DPP6: variants seen among roughly 807,000 people sequenced by gnomAD.
DPP6 encodes the protein A-type potassium channel modulatory protein DPP6.
In DPP6, 69 loss-of-function variants were observed where a neutral mutation model predicts 122.6. The observed-to-expected ratio is 0.56, with a 90% CI of 0.46 to 0.69. The LOEUF is 0.69. DPP6 is among the 30% of genes least tolerant of loss of function. The pLI, the probability that DPP6 is intolerant of heterozygous loss-of-function variation, is 0.00. For synonymous variants in DPP6, 418 were observed against 433.1 expected, an observed-to-expected ratio of 0.97 and a Z score of 0.43; for missense variants, 928 against 1,116.9, an observed-to-expected ratio of 0.83 and a Z score of 2.41.
At chr7:154,597,440 A>T (rs1448229275) in intron 5 of DPP6, among the ~76,000 whole-genome samples, 1 of 151,862 alleles carries the variant, frequency 6.6e-6, no homozygotes, top group Non-Finnish European at 1.5e-5. Flanking sequence ...CGTCTCTACT[A>T]AAAAAAGAAA....
intron 7 of DPP6, among the ~76,000 whole-genome samples, chr7:154,686,589 G>GC (rs1205015001): frequency 1.3e-5 from 2 of 152,112 alleles, no homozygotes; most frequent in Non-Finnish European, 2.9e-5. Context: ...AGCTGTCAGA[G>GC]CCCCAGGGCA....
In DPP6 at chr7:154,889,321, T is replaced by C. The variant is rs1806414466; in HGVS notation, c.2354T>C (p.Leu785Pro). 6.2e-7 allele frequency: 1 copy of C among 1,612,916 alleles called. No individual in the cohort carries two copies. ...RVSALEEQQF[L>P]IIHPTADEKI... ...TCCGCGCTGGAAGAACAGCAGTTCC[T>C]GATCATTCATCCCACTGCCGATGGT... Residue 785 changes from leucine (L) to proline (P), a missense_variant, in exon 24 of 26, where the codon CTG (leucine) becomes CCG (proline). Coordinates refer to ENST00000377770, the MANE Select transcript of DPP6 (RefSeq NM_130797.4).
the DPP6 span, among the ~76,000 whole-genome samples, chr7:153,830,487 CA>C: frequency 6.6e-6 from 1 of 152,202 alleles, no homozygotes; most frequent in African/African-American, 2.4e-5. Context: ...CAAGCTTTCT[CA>C]ACTTTCCAAG....
chr7:154,712,688 T>C (rs1322474899), intron 7 of DPP6, among the ~76,000 whole-genome samples: 43 of 152,208 alleles, frequency 2.8e-4, no homozygotes, highest in Admixed American at 2.8e-3. Flanking sequence ...ACCAGCTCAC[T>C]ATCAGCATAA....
At chr7:154,208,460 A>G (rs528519263) in intron 1 of DPP6, among the ~76,000 whole-genome samples, 1 of 152,336 alleles carries the variant, frequency 6.6e-6, no homozygotes, top group African/African-American at 2.4e-5. Context: ...GACTCATCCC[A>G]TCTGCAGCGT....
intron 1 of DPP6, among the ~76,000 whole-genome samples, chr7:154,018,811 A>C (rs939685453): frequency 3.3e-5 from 5 of 152,090 alleles, no homozygotes; most frequent in Admixed American, 2.6e-4. Context: ...AGAAGAAGAG[A>C]CCCAGGGCCT....
intron 8 of DPP6, among the ~76,000 whole-genome samples, chr7:154,747,662 A>T (rs1428181691): frequency 6.6e-6 from 1 of 152,164 alleles, no homozygotes; most frequent in Non-Finnish European, 1.5e-5. Flanking sequence ...TAGAAAAAAA[A>T]AATAGAACAC....
intron 3 of DPP6, among the ~76,000 whole-genome samples, chr7:154,488,281 G>A (rs1823968955): frequency 6.6e-6 from 1 of 152,032 alleles, no homozygotes; most frequent in Non-Finnish European, 1.5e-5. Flanking sequence ...GAGGTCAGGA[G>A]ATCGAGACCA....
intron 8 of DPP6, among the ~76,000 whole-genome samples, chr7:154,736,478 C>A (rs1400851355): frequency 6.6e-6 from 1 of 151,998 alleles, no homozygotes; most frequent in Non-Finnish European, 1.5e-5. Flanking sequence ...TCTTTTTTAC[C>A]AGCTATTAAA....
chr7:154,795,164 C>T (rs1335064645), intron 11 of DPP6, among the ~76,000 whole-genome samples: 4 of 152,170 alleles, frequency 2.6e-5, no homozygotes, highest in East Asian at 3.9e-4. Context: ...CTTCTCCATG[C>T]CCCTGAGCCT....
intron 1 of DPP6, among the ~76,000 whole-genome samples, chr7:154,435,569 C>T (rs1267825702): frequency 2.0e-5 from 3 of 152,338 alleles, no homozygotes; most frequent in East Asian, 3.9e-4. Context: ...GCCAGTGAAA[C>T]AGAGACGGGG....
At chr7:154,763,429 G>C (rs1795698565) in intron 8 of DPP6, among the ~76,000 whole-genome samples, 1 of 152,012 alleles carries the variant, frequency 6.6e-6, no homozygotes, top group Admixed American at 6.6e-5. Flanking sequence ...AAGAAAAATG[G>C]CTTGCTGCCG....
intron 1 of DPP6, among the ~76,000 whole-genome samples, chr7:154,335,878 A>G (rs1563500843): frequency 6.6e-6 from 1 of 152,040 alleles, no homozygotes; most frequent in Non-Finnish European, 1.5e-5. Flanking sequence ...TTTTGTCTCA[A>G]GCGGCTAGGG....
At chr7:154,782,398 G>A (rs923623293) in intron 10 of DPP6, among the ~76,000 whole-genome samples, 3 of 152,042 alleles carry the variant, frequency 2.0e-5, no homozygotes, top group South Asian at 2.1e-4. Flanking sequence ...AGATTATTGC[G>A]TCTTTTAGCA....
chr7:154,225,574 G>GA (rs141332302), intron 1 of DPP6, among the ~76,000 whole-genome samples: 8,544 of 151,238 alleles, frequency 0.056, 799 homozygotes, highest in African/African-American at 0.2. Flanking sequence ...AAAAAAATGA[G>GA]AAAAAAAAAT....
intron 1 of DPP6, among the ~76,000 whole-genome samples, chr7:154,054,490 G>A (rs548108371): frequency 1.3e-5 from 2 of 152,136 alleles, no homozygotes; most frequent in South Asian, 4.2e-4. Context: ...ACACACACAG[G>A]TACACACCCC....
At chr7:153,945,394 G>T (rs1801903611) in intron 1 of DPP6, among the ~76,000 whole-genome samples, 1 of 152,132 alleles carries the variant, frequency 6.6e-6, no homozygotes, top group Non-Finnish European at 1.5e-5. Context: ...AAGGCGAATT[G>T]AGGTATCACA....
chr7:154,505,734 G>A (rs1825615114), intron 3 of DPP6, among the ~76,000 whole-genome samples: 1 of 152,190 alleles, frequency 6.6e-6, no homozygotes, highest in Non-Finnish European at 1.5e-5. Flanking sequence ...CTAAGGAACA[G>A]GCTATCAACA....
At chr7:154,320,298 A>C (rs1210037711) in intron 1 of DPP6, among the ~76,000 whole-genome samples, 4 of 152,056 alleles carry the variant, frequency 2.6e-5, no homozygotes, top group Non-Finnish European at 5.9e-5. Context: ...GTCTCCATAA[A>C]GGACTCTGGT....
Sources: allele counts gnomAD v4.1 joint callset (sites outside exome capture counted in the v4.1 genomes callset), GRCh38; gene constraint gnomAD v4.1.1; transcripts MANE v1.5; gene names NCBI Gene and HGNC (gene_info 2026-07-23, HGNC 2026-07-21).